The following ABAT variants were observed in gnomAD, a reference collection of about 807,000 sequenced individuals.
ABAT encodes the protein 4-aminobutyrate aminotransferase.
In ABAT, 45 loss-of-function variants were observed where a neutral mutation model predicts 64.6. That is an observed-to-expected ratio of 0.70 (90% CI 0.55 to 0.89). ABAT has a LOEUF of 0.89. Ranked by LOEUF, ABAT falls within the 40% of genes least tolerant of loss-of-function variation. The pLI is 0.00. For missense variants in ABAT, 633 were observed against 658.4 expected (o/e 0.96, Z 0.42); for synonymous variants, 297 against 250.5 (o/e 1.19, Z -1.75).
chr16:8,692,601 T>A (rs1430553219), intron 1 of ABAT, among the ~76,000 whole-genome samples: 1 of 152,134 alleles, frequency 6.6e-6, no homozygotes, highest in Non-Finnish European at 1.5e-5. Flanking sequence ...TGCCATGTCA[T>A]ATTTTCTTCC....
intron 11 of ABAT, among the ~76,000 whole-genome samples, chr16:8,771,791 G>A (rs1281006652): frequency 6.6e-6 from 1 of 151,666 alleles, no homozygotes; most frequent in African/African-American, 2.4e-5. Flanking sequence ...ACAAAGACAG[G>A]ATCTTGCTGT....
At chr16:8,772,667 A>G in intron 11 of ABAT, 113 bp from the exon 12 acceptor site, 7 of 1,431,996 alleles carry the variant, frequency 4.9e-6, no homozygotes, top group Non-Finnish European at 6.9e-6. Context: ...GGAAATGCAC[A>G]CAAACACATT....
At chr16:8,771,811 G>A (rs547299238) in intron 11 of ABAT, among the ~76,000 whole-genome samples, 3 of 151,904 alleles carry the variant, frequency 2.0e-5, no homozygotes. Flanking sequence ...TGTTGCACAG[G>A]CTGGAGTGCA....
chr16:8,726,330 G>A (rs527782575), intron 1 of ABAT, among the ~76,000 whole-genome samples: 17 of 134,684 alleles, frequency 1.3e-4, no homozygotes, highest in South Asian at 7.1e-4. Context: ...GCGCCATCTC[G>A]GCTCACTGCA....
intron 2 of ABAT, chr16:8,736,951 G>C (rs2058960466): frequency 6.6e-6 from 1 of 152,216 alleles, no homozygotes; most frequent in Non-Finnish European, 1.5e-5. Flanking sequence ...CTCGGGGCTG[G>C]CCATGAAATA....
At chr16:8,777,324 C>T (rs896340214) in intron 14 of ABAT, among the ~76,000 whole-genome samples, 3 of 152,060 alleles carry the variant, frequency 2.0e-5, no homozygotes, top group Non-Finnish European at 4.4e-5. Context: ...TGCATACTTA[C>T]CACTCGGCAG....
chr16:8,743,734 G>C (rs2059250188), intron 2 of ABAT, among the ~76,000 whole-genome samples: 2 of 146,968 alleles, frequency 1.4e-5, no homozygotes. Flanking sequence ...ATATATTTTT[G>C]TTTATTATAT....
At chr16:8,726,718 T>C (rs757637387) in intron 1 of ABAT, among the ~76,000 whole-genome samples, 1 of 152,240 alleles carries the variant, frequency 6.6e-6, no homozygotes, top group Non-Finnish European at 1.5e-5. Context: ...AGCAGTGGGA[T>C]TCCTGGATCA....
rs915197355 is a variant in ABAT, at chr16:8,776,792, C to T, written c.1269+302C>T. On this transcript the variant is annotated intron_variant, in intron 14 of 15. Transcript: ENST00000268251. This position sits in a 1 kb window ranked among gnomAD's most constrained non-coding sequence, Gnocchi z 4.4. ...CATGGTCAAGCTCTGTTAGCCAGTC[C>T]GGCCTTGAACTCCTGGCCTCAAACG... 3.3e-5 allele frequency among the ~76,000 whole-genome samples: 5 copies of T among 152,162 alleles called. No homozygotes were observed. Among genetic ancestry groups the T allele is most frequent in the Admixed American group, 3.3e-4 (5 of 15,272 alleles).
intron 1 of ABAT, among the ~76,000 whole-genome samples, chr16:8,733,868 A>G (rs2058834090): frequency 1.3e-5 from 2 of 152,242 alleles, no homozygotes; most frequent in Admixed American, 6.5e-5. Context: ...TTTAGGTTTC[A>G]TATGACAGGA....
rs386384172 is a variant in ABAT, at chr16:8,707,353, A to ATT, written c.-41-28330_-41-28329dup. Among the ~76,000 whole-genome samples, 348 of 123,912 alleles carry ATT rather than the reference A, an allele frequency of 2.8e-3. 17 individuals carry two copies. The highest frequency in any genetic ancestry group is 3.4e-3 in the Non-Finnish European group (208 of 61,778). 81.3% of individuals were successfully genotyped at this position (123,912 alleles called of 152,430 possible). On this transcript the variant is annotated intron_variant, in intron 1 of 15. Coordinates refer to ENST00000268251, the MANE Select transcript of ABAT (RefSeq NM_020686.6). ...AGGCACACACTACCATGCCAGGGTA[A>ATT]TTTTTTTTTTTTTTTTTAGCGGAGA...
intron 1 of ABAT, among the ~76,000 whole-genome samples, chr16:8,712,092 G>A (rs964649010): frequency 6.6e-6 from 1 of 151,932 alleles, no homozygotes; most frequent in Admixed American, 6.6e-5. Context: ...TTAGCTGGGC[G>A]TGGTTGCTTG....
rs1173408484 is a variant in ABAT at position 8,764,531 on chromosome 16, C to T, written c.448-207C>T. Among the ~76,000 whole-genome samples, 3 of 152,160 alleles carry T rather than the reference C, an allele frequency of 2.0e-5. No individual in the cohort carries two copies. Among genetic ancestry groups the T allele is most frequent in the Admixed American group, 2.0e-4 (3 of 15,282 alleles). On this transcript the variant is annotated intron_variant, in intron 7 of 15. Coordinates refer to ENST00000268251, the MANE Select transcript of ABAT (RefSeq NM_020686.6). This position sits in a 1 kb window ranked among gnomAD's most constrained non-coding sequence, Gnocchi z 4.2. ...GAGTGGGCTTTTGCCCCCCTTCTTT[C>T]CTCTCTGCCAGCCTCAGGGCCTCCC...
intron 2 of ABAT, among the ~76,000 whole-genome samples, chr16:8,738,824 T>C (rs1043796799): frequency 3.9e-5 from 6 of 152,074 alleles, no homozygotes; most frequent in African/African-American, 1.2e-4. Flanking sequence ...TTTATATTTT[T>C]TGTAGAGACA....
intron 11 of ABAT, among the ~76,000 whole-genome samples, chr16:8,769,400 C>G (rs1765089878): frequency 6.6e-6 from 1 of 151,716 alleles, no homozygotes; most frequent in Admixed American, 6.6e-5. Context: ...AACCCCATCT[C>G]TACTAAAAAT....
intron 1 of ABAT, among the ~76,000 whole-genome samples, chr16:8,674,945 A>G (rs1373939739): frequency 6.6e-6 from 1 of 152,002 alleles, no homozygotes; most frequent in Admixed American, 6.5e-5. Flanking sequence ...CTCCAGCTCT[A>G]GACAGAAGTC....
intron 12 of ABAT, 67 bp from the exon 13 acceptor site, chr16:8,774,823 A>C (rs1019160473): frequency 1.4e-5 from 23 of 1,595,630 alleles, no homozygotes; most frequent in Non-Finnish European, 1.8e-5. Context: ...TTAGCTGGCT[A>C]TGGAGGGCAT....
intron 1 of ABAT, among the ~76,000 whole-genome samples, chr16:8,697,790 C>G (rs1240554081): frequency 6.6e-6 from 1 of 152,034 alleles, no homozygotes; most frequent in Non-Finnish European, 1.5e-5. Context: ...TACAAGCGAC[C>G]ACGCCCAGCT....
chr16:8,718,458 G>A (rs565908572), intron 1 of ABAT, among the ~76,000 whole-genome samples: 21 of 152,330 alleles, frequency 1.4e-4, no homozygotes, highest in Non-Finnish European at 2.4e-4. Flanking sequence ...TGACGGATGG[G>A]ACTCAGAGGT....
Sources: gnomAD v4.1 joint callset for allele counts (sites outside exome capture counted in the v4.1 genomes callset) on GRCh38, gnomAD v4.1.1 for gene constraint, Gnocchi (gnomAD v3.1) non-coding constraint, MANE v1.5 for transcripts, NCBI Gene and HGNC (gene_info 2026-07-23, HGNC 2026-07-21) for gene names.